Variants in VSIG4 observed in about 807,000 individuals in gnomAD.
The protein encoded by VSIG4 is V-set and immunoglobulin domain containing 4.
In VSIG4, 34 loss-of-function variants were observed where a neutral mutation model predicts 23.4. The ratio of observed to expected loss-of-function variants is 1.45; its 90% CI spans 1.10 to 1.93. VSIG4 has a LOEUF of 1.93. Among genes scored for constraint, VSIG4 ranks in the 30% most tolerant of loss-of-function variants. The pLI, the probability that VSIG4 is intolerant of heterozygous loss-of-function variation, is 0.00. For missense variants in VSIG4, 433 were observed against 310.8 expected (o/e 1.39, Z -2.96); for synonymous variants, 169 against 120.3 (o/e 1.41, Z -2.65).
intron 1 of VSIG4, 116 bp downstream of exon 1, chrX:66,039,828 C>A (rs2085662821): frequency 1.2e-6 from 1 of 866,197 alleles, no homozygotes. Flanking sequence ...CAGAGTTTGG[C>A]TGAGAAGACT....
At chrX:66,028,854 G>A (rs1275911158) in intron 3 of VSIG4, among the ~76,000 whole-genome samples, 2 of 110,864 alleles carry the variant, frequency 1.8e-5, no homozygotes, top group Non-Finnish European at 3.8e-5. Context: ...TGTTTTATTG[G>A]TCACCCAGTG....
chrX:66,035,620 C>A (rs1233750818), intron 1 of VSIG4, among the ~76,000 whole-genome samples: 3 of 112,043 alleles, frequency 2.7e-5, no homozygotes, highest in Non-Finnish European at 5.6e-5. Flanking sequence ...ATAGTTCACA[C>A]CTCCATGTGA....
rs765673031 is a variant in VSIG4, at chrX:66,034,680, A to T, written c.56-850T>A. On this transcript the variant is annotated intron_variant, in intron 1 of 7. Coordinates refer to ENST00000374737, the MANE Select transcript of VSIG4 (RefSeq NM_007268.3). Reference sequence around the variant, plus strand: ...CTAGAGAGGAAAAGGTTCTGAGTGAAATCCTGAAGCTGGCTGTAGTAGGGG... The same window carrying T: ...CTAGAGAGGAAAAGGTTCTGAGTGATATCCTGAAGCTGGCTGTAGTAGGGG... Among the ~76,000 whole-genome samples, 414 of 105,676 alleles carry T rather than the reference A, an allele frequency of 3.9e-3. 2 individuals are homozygous for T. Among genetic ancestry groups the T allele is most frequent in the Non-Finnish European group, 5.7e-3 (292 of 51,613 alleles). 91.8% of individuals were successfully genotyped at this position (105,676 alleles called of 115,157 possible). A position where few individuals can be genotyped will look rare whatever the true frequency, so the allele number is the denominator to read the frequency against.
chrX:66,032,323 A>C (rs1157139341), intron 3 of VSIG4, 145 bp downstream of exon 3: 7 of 721,060 alleles, frequency 9.7e-6, no homozygotes, highest in Non-Finnish European at 1.4e-5. Context: ...TCCCCAGTCC[A>C]AGTTTTTTTT....
At chrX:66,024,469 G>A (rs1246546936) in intron 6 of VSIG4, among the ~76,000 whole-genome samples, 1 of 111,491 alleles carries the variant, frequency 9.0e-6, no homozygotes, top group Non-Finnish European at 1.9e-5. Flanking sequence ...TGTCTTTTAG[G>A]CCCTAACAAC....
rs776053280 is a variant in VSIG4 at position 66,025,093 on chromosome X, A to T, written c.872T>A (p.Ile291Asn). The change falls in exon 6 of 8, where the codon ATC becomes AAC. Residue 291 changes from isoleucine (I) to asparagine (N), a missense_variant. Transcript: ENST00000374737. ...SLPVFAIILI[I>N]SLCCMVVFTM... ...AAAAACCACCATACAGCACAAGGAG[A>T]TGATGAGGATGATGGCAAAGACAGG... 2.5e-6 allele frequency: 3 copies of T among 1,203,060 alleles called. No individual in the cohort carries two copies. Among genetic ancestry groups the T allele is most frequent in the South Asian group, 3.6e-5 (2 of 55,171 alleles).
In VSIG4 at chrX:66,027,445, C is replaced by T; in HGVS notation, c.835+4G>A. On this transcript the variant is annotated splice_donor_region_variant and intron_variant, in intron 5 of 7. Transcript: ENST00000374737. ...AAAGATAGAAATCCTGACAATATTCCTACCTGGCCCAGCACTGGTCTCTCC... is the reference window on the plus strand; with the variant it reads ...AAAGATAGAAATCCTGACAATATTCTTACCTGGCCCAGCACTGGTCTCTCC... 1.7e-6 allele frequency: 2 copies of T among 1,198,012 alleles called. No homozygotes were observed. The highest frequency in any genetic ancestry group is 3.0e-5 in the East Asian group (1 of 33,488).
At chrX:66,036,783 T>A (rs868464399) in intron 1 of VSIG4, among the ~76,000 whole-genome samples, 1 of 39,616 alleles carries the variant, frequency 2.5e-5, no homozygotes, top group African/African-American at 1.3e-4. Context: ...TATATTATAT[T>A]ATATATAATA....
intron 6 of VSIG4, among the ~76,000 whole-genome samples, chrX:66,023,872 T>C (rs1160445064): frequency 1.8e-5 from 2 of 112,262 alleles, no homozygotes; most frequent in Admixed American, 1.9e-4. Flanking sequence ...GAGAAACAAT[T>C]TAATGTGGTT....
In VSIG4 at chrX:66,028,151, C is replaced by T. The variant is rs113286783; in HGVS notation, c.695-39G>A. The T allele has an allele frequency of 3.5e-3, 4,023 of 1,141,567 alleles. 85 individuals carry two copies. The African/African-American group carries it at 0.063, about 18-fold the overall frequency. 94.1% of individuals were successfully genotyped at this position (1,141,567 alleles called of 1,213,427 possible). A position where few individuals can be genotyped will look rare whatever the true frequency, so the allele number is the denominator to read the frequency against. On this transcript the variant is annotated intron_variant, in intron 3 of 7. Transcript: ENST00000374737. ...GGAACCGATTGAAGGGACCTGGTAC[C>T]CTTTGGTGAATAGTTTAATGCCCTA...
At position 66,028,122 on chromosome X, in the gene VSIG4, A is replaced by G; in HGVS notation, c.695-10T>C. 1.7e-6 allele frequency: 2 copies of G among 1,205,785 alleles called. No individual in the cohort carries two copies. The highest frequency in any genetic ancestry group is 1.8e-5 in the South Asian group (1 of 56,829). ...AGTAGCTTTGAGGAGTCTGCAAGGAAAAGGGAACCGATTGAAGGGACCTGG... is the reference window on the plus strand; with the variant it reads ...AGTAGCTTTGAGGAGTCTGCAAGGAGAAGGGAACCGATTGAAGGGACCTGG... On this transcript the variant is annotated splice_polypyrimidine_tract_variant and intron_variant, in intron 3 of 7. Transcript: ENST00000374737.
In VSIG4 at chrX:66,039,931, C is replaced by A; in HGVS notation, c.55+13G>T. 8.3e-7 allele frequency: 1 copy of A among 1,210,962 alleles called. No individual in the cohort carries two copies. ...AGCCAGCAATGGCAGCCAGGCCCCC[C>A]TTTCTGCCTTACCATAAGTGTCCAC... On this transcript the variant is annotated intron_variant, in intron 1 of 7. Transcript: ENST00000374737.
At chrX:66,028,946 A>C (rs1283901498) in intron 3 of VSIG4, among the ~76,000 whole-genome samples, 1 of 111,791 alleles carries the variant, frequency 8.9e-6, no homozygotes. Flanking sequence ...AAAACAAAAA[A>C]AACTAACCAA....
chrX:66,026,038 GA>G (rs1158462813), intron 5 of VSIG4, among the ~76,000 whole-genome samples: 3 of 112,101 alleles, frequency 2.7e-5, no homozygotes, highest in African/African-American at 6.5e-5. Context: ...AGCAGCCATG[GA>G]AAAATGAATA....
chrX:66,022,640 C>T, intron 7 of VSIG4, 140 bp from the exon 8 acceptor site: 12 of 1,124,338 alleles, frequency 1.1e-5, no homozygotes, highest in Non-Finnish European at 1.4e-5. Context: ...GCAGATGGAT[C>T]TAAATTATCC....
Position 66,028,074 on chromosome X carries a change from T to C in VSIG4, c.733A>G (p.Thr245Ala), listed in dbSNP as rs146302268. The change falls in exon 4 of 8, where the codon ACA becomes GCA. Residue 245 changes from threonine (T) to alanine (A), a missense_variant. By Grantham distance (58) the Thr-to-Ala change is moderately conservative (BLOSUM62 0). Transcript: ENST00000374737. ...KLLKTKTEAPTTMTYPLKATS... is the reference protein window; with the variant it reads ...KLLKTKTEAPATMTYPLKATS... ...CCTTTCAAGGGGTATGTCATGGTTG[T>C]AGGTGCCTCAGTCTTGGTCTTGAGT... 1.1e-5 allele frequency: 13 copies of C among 1,211,054 alleles called. No individual in the cohort carries two copies. The highest frequency in any genetic ancestry group is 1.3e-5 in the Non-Finnish European group (12 of 895,003).
At position 66,024,801 on chromosome X, in the gene VSIG4, T is replaced by A. The variant is rs1219033845; in HGVS notation, c.940+224A>T. On this transcript the variant is annotated intron_variant, in intron 6 of 7. Coordinates refer to ENST00000374737, the MANE Select transcript of VSIG4 (RefSeq NM_007268.3). ...ATTACAAGATGACTCGTTAGAAAGA[T>A]GGCTGTACTTCACTGAGTACCAAAG... Among the ~76,000 whole-genome samples the A allele has an allele frequency of 2.7e-5, 3 of 112,069 alleles. No homozygotes were observed. In the Admixed American group the frequency reaches 2.8e-4, roughly 11 times the overall value.
rs59024416 is a variant in VSIG4 at position 66,034,181 on chromosome X, T to G, written c.56-351A>C. Among the ~76,000 whole-genome samples the G allele has an allele frequency of 2.6e-3, 289 of 112,526 alleles. 1 individual carries two copies. The highest frequency in any genetic ancestry group is 8.8e-3 in the African/African-American group (274 of 30,984). ...TGGGTGGTAGGTGCTCTAGATATTC[T>G]ATCAAATCTGTCATTCTGCAAATCC... On this transcript the variant is annotated intron_variant, in intron 1 of 7. Transcript: ENST00000374737.
At chrX:66,031,127 G>A (rs964509790) in intron 3 of VSIG4, among the ~76,000 whole-genome samples, 2 of 111,321 alleles carry the variant, frequency 1.8e-5, no homozygotes, top group Admixed American at 9.5e-5. Context: ...GGGCAATGGC[G>A]AGCACTGCTT....
Sources: gnomAD v4.1 joint callset for allele counts (sites outside exome capture counted in the v4.1 genomes callset) on GRCh38, gnomAD v4.1.1 for gene constraint, MANE v1.5 for transcripts, NCBI Gene and HGNC (gene_info 2026-07-23, HGNC 2026-07-21) for gene names.